Variants in HSPA12A observed in about 807,000 individuals in gnomAD.
HSPA12A encodes the protein heat shock protein family A (Hsp70) member 12A.
In HSPA12A, 28 loss-of-function variants were observed where a neutral mutation model predicts 69.2. That is an observed-to-expected ratio of 0.40 (90% CI 0.30 to 0.55). The LOEUF (loss-of-function observed/expected upper bound fraction) is 0.55, where lower values mean the gene tolerates loss of function less well. Among genes scored for constraint, HSPA12A ranks in the 20% least tolerant of loss-of-function variants. The pLI, the probability that HSPA12A is intolerant of heterozygous loss-of-function variation, is 0.38. For synonymous variants in HSPA12A, 345 were observed against 370.5 expected, an observed-to-expected ratio of 0.93 and a Z score of 0.79; for missense variants, 686 against 900.7, an observed-to-expected ratio of 0.76 and a Z score of 3.05.
intron 2 of HSPA12A, among the ~76,000 whole-genome samples, chr10:116,813,934 C>T (rs984691935): frequency 1.3e-5 from 2 of 151,942 alleles, no homozygotes; most frequent in Non-Finnish European, 2.9e-5. Flanking sequence ...GAATAACAGA[C>T]AGACAAACAG....
chr10:116,756,955 C>G (rs1359402530), intron 2 of HSPA12A, among the ~76,000 whole-genome samples: 1 of 152,066 alleles, frequency 6.6e-6, no homozygotes. Context: ...TTCTCCATGG[C>G]GTATGTAACT....
intron 2 of HSPA12A, among the ~76,000 whole-genome samples, chr10:116,771,327 G>A (rs1844202819): frequency 6.6e-6 from 1 of 152,012 alleles, no homozygotes; most frequent in Non-Finnish European, 1.5e-5. Context: ...AGGCCACACA[G>A]AGGGGAGGGG....
At position 116,674,503 on chromosome 10, in the gene HSPA12A, C is replaced by G. The variant is rs917726352; in HGVS notation, c.*278G>C. On this transcript the variant is annotated 3_prime_UTR_variant, in exon 12 of 12. Transcript: ENST00000369209. The stretch of plus-strand genomic sequence containing the variant: ...TGCAGAAATGTACTGATTCCCTTCT[C>G]CGTGGCCATTTCACCACTTTTGTAC... 7 of 471,684 alleles carry G rather than the reference C, an allele frequency of 1.5e-5. No homozygotes were observed. The South Asian group carries it at 1.9e-4, about 13-fold the overall frequency. 29.2% of individuals were successfully genotyped at this position (471,684 alleles called of 1,614,324 possible). A position where few individuals can be genotyped will look rare whatever the true frequency, so the allele number is the denominator to read the frequency against.
intron 1 of HSPA12A, among the ~76,000 whole-genome samples, chr10:116,845,059 C>T (rs1046920035): frequency 6.6e-6 from 1 of 152,096 alleles, no homozygotes; most frequent in African/African-American, 2.4e-5. Flanking sequence ...TGGAAAGACC[C>T]AGTTCAGGGG....
At chr10:116,678,348 CAAAAAAAAAAAAA>C (rs55780024) in intron 10 of HSPA12A, among the ~76,000 whole-genome samples, 1 of 59,382 alleles carries the variant, frequency 1.7e-5, no homozygotes, top group African/African-American at 7.2e-5. Context: ...TGCCAACTTG[CAAAAAAAAAAAAA>C]AAAAAAAAAA....
intron 2 of HSPA12A, among the ~76,000 whole-genome samples, chr10:116,776,554 T>G (rs1844343020): frequency 6.6e-6 from 1 of 152,228 alleles, no homozygotes; most frequent in Non-Finnish European, 1.5e-5. Context: ...ACTATTGTTT[T>G]GCCTAGAAGA....
chr10:116,762,385 A>G (rs1275604640), intron 2 of HSPA12A, among the ~76,000 whole-genome samples: 2 of 152,158 alleles, frequency 1.3e-5, no homozygotes, highest in East Asian at 3.9e-4. Context: ...TACATACCTG[A>G]TCATGGCTTG....
upstream of HSPA12A, among the ~76,000 whole-genome samples, chr10:116,746,018 C>G (rs780295617): frequency 9.2e-5 from 14 of 152,064 alleles, no homozygotes; most frequent in East Asian, 1.9e-4. Context: ...CAAAGTGGGA[C>G]CAGCCATGTC....
At chr10:116,754,531 T>C (rs112693503) in intron 2 of HSPA12A, among the ~76,000 whole-genome samples, 3 of 152,252 alleles carry the variant, frequency 2.0e-5, no homozygotes, top group African/African-American at 7.2e-5. Context: ...ACTGAGCAAA[T>C]AGGTTGCATC....
At chr10:116,848,174 T>C (rs1845932091) in intron 1 of HSPA12A, among the ~76,000 whole-genome samples, 1 of 152,198 alleles carries the variant, frequency 6.6e-6, no homozygotes, top group Non-Finnish European at 1.5e-5. Flanking sequence ...GGCTCCGTGG[T>C]GGATGTGAAG....
Position 116,705,417 on chromosome 10 carries a change from C to T in HSPA12A, c.127-139G>A. On this transcript the variant is annotated intron_variant, in intron 2 of 11. Transcript: ENST00000369209. ...CATTCTATATTCCAGCTCAAGTCTA[C>T]CACCTGGGGAGAAGGCAGCCCAGCC... 3 of 1,064,948 alleles carry T rather than the reference C, an allele frequency of 2.8e-6. No homozygotes were observed. In the East Asian group the frequency reaches 7.2e-5, roughly 26 times the overall value. The allele number at this position is 1,064,948 out of a possible 1,614,324, so 66.0% of individuals were successfully genotyped here.
intron 2 of HSPA12A, among the ~76,000 whole-genome samples, chr10:116,822,105 C>G (rs1845417488): frequency 1.3e-5 from 2 of 152,184 alleles, no homozygotes; most frequent in Admixed American, 6.5e-5. Flanking sequence ...AAGTAGTACA[C>G]TTGGGTTTAT....
chr10:116,809,590 G>C (rs2133180668), intron 2 of HSPA12A, among the ~76,000 whole-genome samples: 1 of 152,316 alleles, frequency 6.6e-6, no homozygotes, highest in Middle Eastern at 3.4e-3. Context: ...CAATACTGCC[G>C]CTGCTGCTGT....
chr10:116,678,444 C>T (rs1187427770), intron 10 of HSPA12A, among the ~76,000 whole-genome samples: 1 of 150,024 alleles, frequency 6.7e-6, no homozygotes, highest in Non-Finnish European at 1.5e-5. Context: ...TAGGAAACTC[C>T]AATCTAAGGA....
chr10:116,769,357 GC>G, intron 2 of HSPA12A, among the ~76,000 whole-genome samples: 2 of 152,304 alleles, frequency 1.3e-5, no homozygotes, highest in Non-Finnish European at 2.9e-5. Flanking sequence ...GGAAACAAAG[GC>G]TTAGAGAAAG....
chr10:116,742,534 G>C lies in HSPA12A; in HGVS notation c.-65C>G. 1 of 1,191,382 alleles carries C rather than the reference G, an allele frequency of 8.4e-7. No homozygotes were observed. Among genetic ancestry groups the C allele is most frequent in the Non-Finnish European group, 1.0e-6 (1 of 961,816 alleles). 73.8% of individuals were successfully genotyped at this position (1,191,382 alleles called of 1,614,324 possible). Reference sequence around the variant, plus strand: ...AGCGCCCGTGCCCGTGCGGGTCTCTGTCCGCGTCCGCGGCGGCGCTCGGGC... The same window carrying C: ...AGCGCCCGTGCCCGTGCGGGTCTCTCTCCGCGTCCGCGGCGGCGCTCGGGC... On this transcript the variant is annotated 5_prime_UTR_variant, in exon 1 of 12. Transcript: ENST00000369209.
At chr10:116,708,942 G>A (rs548633834) in intron 1 of HSPA12A, among the ~76,000 whole-genome samples, 1 of 152,262 alleles carries the variant, frequency 6.6e-6, no homozygotes, top group East Asian at 1.9e-4. Flanking sequence ...ATTGCTAGTG[G>A]GAATATAAAA....
At chr10:116,719,897 T>C (rs1359196371) in intron 1 of HSPA12A, among the ~76,000 whole-genome samples, 1 of 152,220 alleles carries the variant, frequency 6.6e-6, no homozygotes, top group Non-Finnish European at 1.5e-5. Context: ...CTGAGGTTCC[T>C]GGACTCTGTG....
chr10:116,752,123 T>C (rs1196862994), intron 2 of HSPA12A, among the ~76,000 whole-genome samples: 1 of 152,206 alleles, frequency 6.6e-6, no homozygotes, highest in Non-Finnish European at 1.5e-5. Flanking sequence ...TTGGCCTCTA[T>C]TTCAGATGGG....
Sources: allele counts gnomAD v4.1 joint callset (sites outside exome capture counted in the v4.1 genomes callset), GRCh38; gene constraint gnomAD v4.1.1; transcripts MANE v1.5; gene names NCBI Gene and HGNC (gene_info 2026-07-23, HGNC 2026-07-21).